ASAP1: variants seen among roughly 807,000 people sequenced by gnomAD.
ASAP1 encodes the protein ArfGAP with SH3 domain, ankyrin repeat and PH domain 1, also known as arf-GAP with SH3 domain, ANK repeat and PH domain-containing protein 1.
A neutral mutation model predicts 145.2 loss-of-function variants in ASAP1; 43 were observed. That is an observed-to-expected ratio of 0.30 (90% CI 0.23 to 0.38). ASAP1 has a LOEUF of 0.38. Among genes scored for constraint, ASAP1 ranks in the 10% least tolerant of loss-of-function variants. The probability of loss-of-function intolerance (pLI) is 1.00; values close to 1 mark genes in which losing one functional copy is unlikely to be tolerated. For missense variants in ASAP1, 1,018 were observed against 1,355.3 expected, an observed-to-expected ratio of 0.75 and a Z score of 3.91; for synonymous variants, 546 against 515.5, an observed-to-expected ratio of 1.06 and a Z score of -0.80.
At chr8:130,407,542 T>C (rs1396071462) in intron 1 of ASAP1, among the ~76,000 whole-genome samples, 1 of 152,176 alleles carries the variant, frequency 6.6e-6, no homozygotes, top group African/African-American at 2.4e-5. Flanking sequence ...ACCCCCACGG[T>C]CTTCTGTACA....
intron 3 of ASAP1, among the ~76,000 whole-genome samples, chr8:130,323,983 TAC>T (rs1231870944): frequency 1.3e-5 from 2 of 152,196 alleles, no homozygotes; most frequent in Non-Finnish European, 2.9e-5. Flanking sequence ...TTCCTAACAA[TAC>T]TACTCCCTCA....
intron 6 of ASAP1, among the ~76,000 whole-genome samples, 199 bp from the exon 7 acceptor site, chr8:130,187,484 CAG>C (rs1814817051): frequency 6.6e-6 from 1 of 151,138 alleles, no homozygotes; most frequent in Non-Finnish European, 1.5e-5. Flanking sequence ...GCCACAATCA[CAG>C]CTCACTGTAG....
chr8:130,286,781 C>T (rs566773298), intron 3 of ASAP1, among the ~76,000 whole-genome samples: 29 of 152,292 alleles, frequency 1.9e-4, no homozygotes, highest in Admixed American at 5.9e-4. Flanking sequence ...ACTGCCCAAA[C>T]GAATGCACAA....
At chr8:130,368,948 T>A (rs1827088613) in intron 2 of ASAP1, among the ~76,000 whole-genome samples, 1 of 152,216 alleles carries the variant, frequency 6.6e-6, no homozygotes, top group African/African-American at 2.4e-5. Context: ...CCCTGGCTAA[T>A]CTTTTCCTGG....
At chr8:130,381,614 C>T (rs1330608912) in intron 2 of ASAP1, among the ~76,000 whole-genome samples, 2 of 152,102 alleles carry the variant, frequency 1.3e-5, no homozygotes, top group Non-Finnish European at 2.9e-5. Flanking sequence ...ATGCGTCCTC[C>T]AAGCTAGAAA....
At chr8:130,193,287 T>C (rs1222480304) in intron 5 of ASAP1, among the ~76,000 whole-genome samples, 1 of 151,894 alleles carries the variant, frequency 6.6e-6, no homozygotes, top group African/African-American at 2.4e-5. Context: ...GAGAATCGCC[T>C]GAACCTGGGA....
chr8:130,314,859 G>C (rs1823573176), intron 3 of ASAP1, among the ~76,000 whole-genome samples: 1 of 152,204 alleles, frequency 6.6e-6, no homozygotes, highest in South Asian at 2.1e-4. Context: ...ATTAGATCTT[G>C]TTCAGGCCAA....
chr8:130,117,775 C>T (rs761296025), intron 20 of ASAP1, among the ~76,000 whole-genome samples: 14 of 152,182 alleles, frequency 9.2e-5, no homozygotes, highest in East Asian at 1.9e-4. Flanking sequence ...CCTCTCCTAA[C>T]GGTTAGCAAA....
chr8:130,359,372 A>T (rs1363283555), intron 2 of ASAP1, among the ~76,000 whole-genome samples: 1 of 152,128 alleles, frequency 6.6e-6, no homozygotes, highest in Admixed American at 6.5e-5. Context: ...AAACTAGCTC[A>T]ATCTACTTAG....
intron 5 of ASAP1, among the ~76,000 whole-genome samples, chr8:130,213,379 T>C (rs16904219): frequency 0.19 from 28,516 of 152,170 alleles, 3,295 homozygotes; most frequent in East Asian, 0.44. Flanking sequence ...AAAAAGAATA[T>C]TGTAACTGGC....
chr8:130,279,889 A>C (rs919316949), intron 3 of ASAP1, among the ~76,000 whole-genome samples: 1 of 152,210 alleles, frequency 6.6e-6, no homozygotes, highest in African/African-American at 2.4e-5. Context: ...TTGAACCAAT[A>C]ATCAATATAA....
At chr8:130,080,278 A>T (rs1256360163) in intron 25 of ASAP1, among the ~76,000 whole-genome samples, 1 of 152,120 alleles carries the variant, frequency 6.6e-6, no homozygotes, top group Admixed American at 6.5e-5. Context: ...CCTTAGTTTG[A>T]GGGTAGAGAA....
At chr8:130,234,081 A>C (rs1818067135) in intron 4 of ASAP1, among the ~76,000 whole-genome samples, 1 of 152,172 alleles carries the variant, frequency 6.6e-6, no homozygotes, top group African/African-American at 2.4e-5. Flanking sequence ...GATCCTAATC[A>C]ACAAAGGTAA....
At chr8:130,059,617 G>A (rs1487372123) in intron 28 of ASAP1, among the ~76,000 whole-genome samples, 3 of 152,176 alleles carry the variant, frequency 2.0e-5, no homozygotes, top group Admixed American at 6.5e-5. Context: ...CAGAATGTGA[G>A]GCAGGTAGAG....
intron 15 of ASAP1, among the ~76,000 whole-genome samples, chr8:130,128,913 A>G (rs1003364872): frequency 1.3e-5 from 2 of 152,218 alleles, no homozygotes; most frequent in African/African-American, 4.8e-5. Flanking sequence ...CTATTATATG[A>G]TTGATATGGT....
chr8:130,227,117 T>C (rs1817628199), intron 4 of ASAP1, among the ~76,000 whole-genome samples: 1 of 152,244 alleles, frequency 6.6e-6, no homozygotes, highest in African/African-American at 2.4e-5. Context: ...CTTTAAGTCC[T>C]TCTGAGCTTT....
At chr8:130,193,859 T>C (rs1661464382) in intron 5 of ASAP1, among the ~76,000 whole-genome samples, 1 of 152,184 alleles carries the variant, frequency 6.6e-6, no homozygotes, top group Non-Finnish European at 1.5e-5. Context: ...AGTAAATCCT[T>C]TTTTTTAAAA....
At chr8:130,331,502 T>A (rs1445846253) in intron 3 of ASAP1, among the ~76,000 whole-genome samples, 1 of 152,226 alleles carries the variant, frequency 6.6e-6, no homozygotes, top group Non-Finnish European at 1.5e-5. Context: ...CCACAGACTA[T>A]GGAATCTGGC....
At chr8:130,149,412 C>G (rs1223820706) in intron 13 of ASAP1, among the ~76,000 whole-genome samples, 1 of 151,956 alleles carries the variant, frequency 6.6e-6, no homozygotes, top group Non-Finnish European at 1.5e-5. Context: ...ATGAAATCTT[C>G]TAAGGATGGG....
Sources: gnomAD v4.1 joint callset for allele counts (sites outside exome capture counted in the v4.1 genomes callset) on GRCh38, gnomAD v4.1.1 for gene constraint, MANE v1.5 for transcripts, NCBI Gene and HGNC (gene_info 2026-07-23, HGNC 2026-07-21) for gene names.